EYA1: variants seen among roughly 807,000 people sequenced by gnomAD.
EYA1 encodes EYA transcriptional coactivator and phosphatase 1, also known as protein phosphatase EYA1.
A neutral mutation model predicts 82.0 loss-of-function variants in EYA1; 16 were observed. That is an observed-to-expected ratio of 0.20 (90% CI 0.13 to 0.30). The LOEUF (loss-of-function observed/expected upper bound fraction) is 0.30, where lower values mean the gene tolerates loss of function less well. Among genes scored for constraint, EYA1 ranks in the 10% least tolerant of loss-of-function variants. EYA1 has a pLI of 1.00. For synonymous variants in EYA1, 261 were observed against 264.4 expected, an observed-to-expected ratio of 0.99 and a Z score of 0.12; for missense variants, 633 against 730.7, an observed-to-expected ratio of 0.87 and a Z score of 1.54.
chr8:71,214,227 A>G (rs889868526), intron 16 of EYA1, among the ~76,000 whole-genome samples: 3 of 152,112 alleles, frequency 2.0e-5, no homozygotes, highest in Non-Finnish European at 4.4e-5. Context: ...TCCTCTCCTT[A>G]GGGTGATATA....
intron 7 of EYA1, among the ~76,000 whole-genome samples, chr8:71,302,540 C>T (rs532004922): frequency 2.0e-5 from 2 of 100,664 alleles, no homozygotes; most frequent in Non-Finnish European, 5.2e-5. Flanking sequence ...TTTAGTATGC[C>T]GAAACAGGAG....
intron 2 of EYA1, among the ~76,000 whole-genome samples, chr8:71,473,047 C>A (rs1809354651): frequency 6.6e-6 from 1 of 151,696 alleles, no homozygotes; most frequent in Admixed American, 6.6e-5. Flanking sequence ...CAAATAATGT[C>A]CAACTCTAGC....
intron 4 of EYA1, among the ~76,000 whole-genome samples, chr8:71,325,781 T>G (rs1314242336): frequency 5.3e-5 from 8 of 152,194 alleles, no homozygotes; most frequent in Non-Finnish European, 8.8e-5. Flanking sequence ...AGAAGTCATA[T>G]CTTTTGGGCT....
chr8:71,296,864 CTT>C (rs1323796488), intron 9 of EYA1, among the ~76,000 whole-genome samples: 1 of 152,046 alleles, frequency 6.6e-6, no homozygotes, highest in East Asian at 1.9e-4. Flanking sequence ...TGCCAAAAAA[CTT>C]AGCCTGAATC....
At chr8:71,285,550 A>G (rs567673856) in intron 9 of EYA1, among the ~76,000 whole-genome samples, 35 of 152,362 alleles carry the variant, frequency 2.3e-4, no homozygotes, top group African/African-American at 8.4e-4. Context: ...ACTGAAACGA[A>G]TAACAGGCCT....
chr8:71,382,242 ATTATG>A (rs1433635405), intron 2 of EYA1, among the ~76,000 whole-genome samples: 5 of 152,306 alleles, frequency 3.3e-5, no homozygotes, highest in East Asian at 1.9e-4. Flanking sequence ...CATAATTAAA[ATTATG>A]TTATACTGAA....
At chr8:71,395,517 G>A (rs954837804) in intron 2 of EYA1, among the ~76,000 whole-genome samples, 1 of 152,100 alleles carries the variant, frequency 6.6e-6, no homozygotes, top group Non-Finnish European at 1.5e-5. Context: ...GTTGAATTTT[G>A]TCAAAGGCCT....
At chr8:71,226,204 T>C (rs1377441733) in intron 12 of EYA1, among the ~76,000 whole-genome samples, 1 of 135,150 alleles carries the variant, frequency 7.4e-6, no homozygotes, top group Non-Finnish European at 1.5e-5. Flanking sequence ...CATGAACACA[T>C]GTTTTTCAAA....
chr8:71,539,847 A>G (rs1420366210), intron 1 of EYA1, among the ~76,000 whole-genome samples: 1 of 152,218 alleles, frequency 6.6e-6, no homozygotes, highest in Non-Finnish European at 1.5e-5. Context: ...CAAATAAACT[A>G]TGGCAATAAA....
upstream of EYA1, among the ~76,000 whole-genome samples, chr8:71,363,997 T>C (rs1827595862): frequency 6.6e-6 from 1 of 152,020 alleles, no homozygotes; most frequent in Non-Finnish European, 1.5e-5. Context: ...CACATTTATA[T>C]ACAAGTTACT....
At chr8:71,543,308 T>C (rs1053734572) in intron 1 of EYA1, among the ~76,000 whole-genome samples, 1 of 152,178 alleles carries the variant, frequency 6.6e-6, no homozygotes. Flanking sequence ...TGGGGGGTGA[T>C]GAACTGCAGA....
At chr8:71,436,302 G>A (rs11989736) in intron 2 of EYA1, among the ~76,000 whole-genome samples, 111,773 of 151,966 alleles carry the variant, frequency 0.74, 42,625 homozygotes, top group African/African-American at 0.88. Flanking sequence ...AACTAAAAAA[G>A]AATTGTTTCA....
intron 7 of EYA1, among the ~76,000 whole-genome samples, chr8:71,301,618 T>C (rs1033417746): frequency 2.6e-5 from 4 of 152,208 alleles, no homozygotes; most frequent in African/African-American, 9.6e-5. Context: ...TTAAATTTAG[T>C]TATCACAGAG....
chr8:71,299,585 T>C, intron 8 of EYA1, 53 bp downstream of exon 8: 1 of 994,500 alleles, frequency 1.0e-6, no homozygotes, highest in Non-Finnish European at 1.6e-6. Flanking sequence ...CATAAGAAAA[T>C]CATGTTGCAT....
intron 2 of EYA1, among the ~76,000 whole-genome samples, chr8:71,401,792 TTACCAC>T (rs768570539): frequency 6.6e-6 from 1 of 152,236 alleles, no homozygotes; most frequent in Non-Finnish European, 1.5e-5. Context: ...GTTGTTCTTG[TTACCAC>T]TACTACTACC....
intron 9 of EYA1, among the ~76,000 whole-genome samples, chr8:71,278,558 CCT>C (rs1303294084): frequency 1.3e-5 from 2 of 151,950 alleles, no homozygotes; most frequent in Non-Finnish European, 2.9e-5. Context: ...AATTATATTC[CCT>C]CTGTGAACAG....
intron 2 of EYA1, among the ~76,000 whole-genome samples, chr8:71,439,842 G>C (rs1806282725): frequency 6.6e-6 from 1 of 152,142 alleles, no homozygotes; most frequent in Non-Finnish European, 1.5e-5. Context: ...GTGGGACTTA[G>C]CTCTGATAAT....
chr8:71,506,982 T>C (rs979929565), intron 2 of EYA1, among the ~76,000 whole-genome samples: 1 of 151,788 alleles, frequency 6.6e-6, no homozygotes, highest in African/African-American at 2.4e-5. Flanking sequence ...CAACAAATAA[T>C]AGACAAGAGA....
chr8:71,397,444 G>C (rs1348518301), intron 2 of EYA1, among the ~76,000 whole-genome samples: 2 of 152,252 alleles, frequency 1.3e-5, no homozygotes, highest in Non-Finnish European at 2.9e-5. Context: ...TCCTTTCCAT[G>C]TTTAGTGCTT....
Sources: allele counts gnomAD v4.1 joint callset (sites outside exome capture counted in the v4.1 genomes callset), GRCh38; gene constraint gnomAD v4.1.1; transcripts MANE v1.5; gene names NCBI Gene and HGNC (gene_info 2026-07-23, HGNC 2026-07-21).